SAMHD1: variants seen among roughly 807,000 people sequenced by gnomAD.
SAMHD1 encodes the protein deoxynucleoside triphosphate triphosphohydrolase SAMHD1.
A neutral mutation model predicts 79.6 loss-of-function variants in SAMHD1; 54 were observed. The observed-to-expected ratio is 0.68, with a 90% CI of 0.55 to 0.85. The LOEUF (loss-of-function observed/expected upper bound fraction) is 0.85, where lower values mean the gene tolerates loss of function less well. SAMHD1 is among the 40% of genes least tolerant of loss of function. The probability of loss-of-function intolerance (pLI) is 0.00; values close to 1 mark genes in which losing one functional copy is unlikely to be tolerated. For synonymous variants in SAMHD1, 260 were observed against 264.1 expected, an observed-to-expected ratio of 0.98 and a Z score of 0.15; for missense variants, 663 against 782.7, an observed-to-expected ratio of 0.85 and a Z score of 1.82.
intron 1 of SAMHD1, among the ~76,000 whole-genome samples, chr20:36,948,094 T>C (rs553609268): frequency 3.9e-5 from 6 of 152,280 alleles, no homozygotes; most frequent in African/African-American, 1.4e-4. Context: ...AAAGTTACTT[T>C]ACATCTTTGG....
rs2063595734 is a variant in SAMHD1 at position 36,935,200 on chromosome 20, A to G, written c.349-11T>C. 6.2e-7 allele frequency: 1 copy of G among 1,606,628 alleles called. No individual in the cohort carries two copies. The highest frequency in any genetic ancestry group is 1.1e-5 in the South Asian group (1 of 90,934). On this transcript the variant is annotated splice_polypyrimidine_tract_variant and intron_variant, in intron 3 of 15. Coordinates refer to ENST00000646673, the MANE Select transcript of SAMHD1 (RefSeq NM_015474.4). ...AGGATCATTAATTACCTAGAAAATT[A>G]TGTTTAATTAATACAAATAACGACA...
rs549666841 is a variant in SAMHD1 at position 36,939,137 on chromosome 20, C to T, written c.348+1902G>A. On this transcript the variant is annotated intron_variant, in intron 3 of 15. Transcript: ENST00000646673. ...GGCGTGGTGGCAGGTGCCTGTAATC[C>T]CAGCTACTCAGGAGGCTGAGGCAGG... Among the ~76,000 whole-genome samples the T allele has an allele frequency of 1.5e-3, 213 of 138,640 alleles. 1 individual carries two copies. In the Middle Eastern group the frequency reaches 0.017, roughly 11 times the overall value. The allele number at this position is 138,640 out of a possible 152,430, so 91.0% of individuals were successfully genotyped here.
chr20:36,910,050 C>T (rs1407533019), intron 11 of SAMHD1, among the ~76,000 whole-genome samples: 3 of 151,674 alleles, frequency 2.0e-5, no homozygotes, highest in Non-Finnish European at 4.4e-5. Flanking sequence ...AGGTGAAACC[C>T]CATCTCTACT....
intron 6 of SAMHD1, among the ~76,000 whole-genome samples, chr20:36,922,517 C>T (rs1774674621): frequency 6.6e-6 from 1 of 152,064 alleles, no homozygotes; most frequent in African/African-American, 2.4e-5. Flanking sequence ...TAGCTAGGAC[C>T]ACAGGTGTGC....
chr20:36,932,070 G>A (rs528873761), intron 4 of SAMHD1, among the ~76,000 whole-genome samples: 28 of 151,824 alleles, frequency 1.8e-4, no homozygotes, highest in Admixed American at 1.4e-3. Flanking sequence ...ACCTGAGGTC[G>A]GGAGTTCAAG....
chr20:36,897,310 A>G (rs1990216518), intron 15 of SAMHD1, among the ~76,000 whole-genome samples: 1 of 152,180 alleles, frequency 6.6e-6, no homozygotes, highest in Non-Finnish European at 1.5e-5. Flanking sequence ...GACACCTACC[A>G]TGTGTAGGTC....
At chr20:36,945,818 G>A (rs1481807431) in intron 2 of SAMHD1, among the ~76,000 whole-genome samples, 1 of 151,990 alleles carries the variant, frequency 6.6e-6, no homozygotes, top group Non-Finnish European at 1.5e-5. Context: ...AGCTGAGGCA[G>A]GAGAATGGCT....
intron 11 of SAMHD1, among the ~76,000 whole-genome samples, chr20:36,907,605 T>C (rs1036633854): frequency 1.7e-4 from 24 of 145,370 alleles, no homozygotes; most frequent in African/African-American, 5.6e-4. Context: ...AATGGTGCGA[T>C]CTCAGCTCAC....
intron 9 of SAMHD1, among the ~76,000 whole-genome samples, chr20:36,916,162 A>G (rs2063473697): frequency 6.6e-6 from 1 of 150,426 alleles, no homozygotes; most frequent in South Asian, 2.1e-4. Flanking sequence ...CTCCGTCTCA[A>G]AAAAAAAAAG....
chr20:36,924,462 G>T (rs2063525246), intron 6 of SAMHD1, among the ~76,000 whole-genome samples: 1 of 151,956 alleles, frequency 6.6e-6, no homozygotes, highest in Admixed American at 6.6e-5. Context: ...GGAGGAGGAG[G>T]TGATCACAAA....
At position 36,919,418 on chromosome 20, in the gene SAMHD1, G is replaced by C; in HGVS notation, c.798C>G (p.Cys266Trp). The stretch of plus-strand genomic sequence containing the variant: ...GTCCTACAATTTGTTCCTTTATAAA[G>C]CAAATATCTTCTTCAGGGATGAGAC... ...QYGLIPEEDI[C>W]FIKEQIVGPL... Residue 266 changes from cysteine to tryptophan, a missense_variant, in exon 7 of 16, where the codon TGC becomes TGG. Cys to Trp is a radical substitution (Grantham distance 215). Transcript: ENST00000646673. 1.9e-6 allele frequency: 3 copies of C among 1,613,430 alleles called. No homozygotes were observed. Among genetic ancestry groups the C allele is most frequent in the Non-Finnish European group, 2.5e-6 (3 of 1,179,546 alleles).
chr20:36,901,826 T>C (rs1027591704), intron 13 of SAMHD1, among the ~76,000 whole-genome samples: 1 of 152,228 alleles, frequency 6.6e-6, no homozygotes, highest in African/African-American at 2.4e-5. Flanking sequence ...AACAGCTGCA[T>C]GCAGCTAGTG....
At chr20:36,893,818 C>T (rs1403789561) in intron 15 of SAMHD1, 1 of 398,554 alleles carries the variant, frequency 2.5e-6, no homozygotes, top group Non-Finnish European at 4.4e-6. Flanking sequence ...ATTCTTCACT[C>T]TTCCTCTCCC....
At chr20:36,907,986 G>A (rs13040562) in intron 11 of SAMHD1, among the ~76,000 whole-genome samples, 30,346 of 151,376 alleles carry the variant, frequency 0.2, 3,595 homozygotes, top group African/African-American at 0.32. Context: ...ATTGATTCTC[G>A]TGCCTCAGTC....
intron 11 of SAMHD1, among the ~76,000 whole-genome samples, chr20:36,908,356 A>G (rs1183266245): frequency 2.7e-5 from 4 of 149,212 alleles, no homozygotes; most frequent in Admixed American, 6.7e-5. Context: ...GATCCCCCCA[A>G]CCTCAGCATC....
At chr20:36,928,778 C>T (rs796727745) in intron 5 of SAMHD1, among the ~76,000 whole-genome samples, 4 of 150,198 alleles carry the variant, frequency 2.7e-5, no homozygotes, top group African/African-American at 9.8e-5. Flanking sequence ...TATCTTTGGC[C>T]GGGTGTGGTG....
At chr20:36,940,125 T>C (rs961340737) in intron 3 of SAMHD1, 2 of 151,176 alleles carry the variant, frequency 1.3e-5, no homozygotes, top group African/African-American at 4.9e-5. Flanking sequence ...GAGAATCACT[T>C]GATCCTGAGA....
At chr20:36,909,015 G>A (rs1231139552) in intron 11 of SAMHD1, among the ~76,000 whole-genome samples, 2 of 151,958 alleles carry the variant, frequency 1.3e-5, no homozygotes, top group Non-Finnish European at 2.9e-5. Flanking sequence ...AGGCTGGAGC[G>A]CAGTGGTGCG....
chr20:36,898,118 A>T (rs1163534872), intron 14 of SAMHD1, among the ~76,000 whole-genome samples, 159 bp from the exon 15 acceptor site: 1 of 151,996 alleles, frequency 6.6e-6, no homozygotes, highest in Non-Finnish European at 1.5e-5. Context: ...TGAAGCCTTG[A>T]CCTCCCAGGC....
Sources: allele counts gnomAD v4.1 joint callset (sites outside exome capture counted in the v4.1 genomes callset), GRCh38; gene constraint gnomAD v4.1.1; transcripts MANE v1.5; gene names NCBI Gene and HGNC (gene_info 2026-07-23, HGNC 2026-07-21).